The following TLN2 variants were observed in gnomAD, a reference collection of about 807,000 sequenced individuals.
The protein encoded by TLN2 is talin 2.
TLN2 carries 118 observed loss-of-function variants against 294.7 expected under a neutral mutation model. The observed-to-expected ratio is 0.40, with a 90% CI of 0.34 to 0.47. TLN2 has a LOEUF of 0.47. Ranked by LOEUF, TLN2 falls within the 20% of genes least tolerant of loss-of-function variation. The probability of loss-of-function intolerance (pLI) is 0.84; values close to 1 mark genes in which losing one functional copy is unlikely to be tolerated. For synonymous variants in TLN2, 1,431 were observed against 1,304.5 expected (o/e 1.10, Z -2.09); for missense variants, 3,083 against 3,282.2 (o/e 0.94, Z 1.48).
At position 62,708,656 on chromosome 15, in the gene TLN2, T is replaced by C; in HGVS notation, c.2327T>C (p.Val776Ala). ...AAGCAGGTCAGCGCAGCGGCCAGCG[T>C]GGTCAGCCAGGCCCTCCATGATCTC... The part of the protein sequence containing the change: ...LLKQVSAAAS[V>A]VSQALHDLLQ... Residue 776 changes from valine (V) to alanine (A), a missense_variant, in exon 21 of 59, where the codon GTG becomes GCG. Physicochemically the swap from Val to Ala is moderately conservative, Grantham distance 64 (BLOSUM62 0). Coordinates refer to ENST00000636159, the MANE Select transcript of TLN2 (RefSeq NM_015059.3). The C allele has an allele frequency of 1.2e-6, 2 of 1,614,162 alleles. No homozygotes were observed. Among genetic ancestry groups the C allele is most frequent in the Non-Finnish European group, 1.7e-6 (2 of 1,180,028 alleles).
At chr15:62,599,218 C>T (rs1312915456) in intron 2 of TLN2, among the ~76,000 whole-genome samples, 1 of 152,126 alleles carries the variant, frequency 6.6e-6, no homozygotes, top group African/African-American at 2.4e-5. Flanking sequence ...AAGGAGGAGA[C>T]ATTTGGCTTT....
chr15:62,810,128 A>G, intron 52 of TLN2, 96 bp downstream of exon 52: 2 of 1,017,744 alleles, frequency 2.0e-6, no homozygotes, highest in Admixed American at 2.0e-5. Context: ...GACCTCTCTC[A>G]GAGCCCTGTC....
intron 1 of TLN2, among the ~76,000 whole-genome samples, chr15:62,428,684 A>C (rs149778233): frequency 6.6e-6 from 1 of 152,106 alleles, no homozygotes; most frequent in African/African-American, 2.4e-5. Context: ...TTTTTATGAG[A>C]GTTACCTGTG....
At chr15:62,665,363 T>C (rs1464615113) in intron 9 of TLN2, among the ~76,000 whole-genome samples, 1 of 152,106 alleles carries the variant, frequency 6.6e-6, no homozygotes, top group African/African-American at 2.4e-5. Context: ...TTAACATTTT[T>C]TTAAAAAAAG....
At chr15:62,617,283 T>C (rs1055154253) in intron 2 of TLN2, among the ~76,000 whole-genome samples, 1 of 152,086 alleles carries the variant, frequency 6.6e-6, no homozygotes, top group Non-Finnish European at 1.5e-5. Context: ...CTCTGTGTTA[T>C]GGGTGAGACT....
chr15:62,465,799 A>AT (rs951143482), intron 1 of TLN2, among the ~76,000 whole-genome samples: 22 of 151,658 alleles, frequency 1.5e-4, no homozygotes, highest in South Asian at 8.4e-4. Context: ...ATTGTAAAGC[A>AT]TTTTTTTTTC....
chr15:62,616,031 A>G (rs895941238), intron 2 of TLN2, among the ~76,000 whole-genome samples: 1 of 152,060 alleles, frequency 6.6e-6, no homozygotes, highest in African/African-American at 2.4e-5. Flanking sequence ...TTGTATCATG[A>G]TACTTGTTTT....
chr15:62,677,059 T>C lies in TLN2; in HGVS notation c.957+1738T>C, dbSNP rs112391947. On this transcript the variant is annotated intron_variant, in intron 11 of 58. Transcript: ENST00000636159. ...TTCCCAACCTCTAGCTGTACTGCCT[T>C]AGCCGGAGTGACCCCATTTGAGAGG... 2.0e-5 allele frequency among the ~76,000 whole-genome samples: 3 copies of C among 152,312 alleles called. 1 individual carries two copies. Among genetic ancestry groups the C allele is most frequent in the African/African-American group, 7.2e-5 (3 of 41,572 alleles).
At chr15:62,790,873 G>A (rs921885514) in intron 45 of TLN2, among the ~76,000 whole-genome samples, 1 of 152,216 alleles carries the variant, frequency 6.6e-6, no homozygotes, top group African/African-American at 2.4e-5. Flanking sequence ...TACTACACCA[G>A]TCCAGATCTG....
At chr15:62,500,986 G>T (rs569666954) in intron 1 of TLN2, among the ~76,000 whole-genome samples, 2 of 152,288 alleles carry the variant, frequency 1.3e-5, no homozygotes, top group South Asian at 2.1e-4. Context: ...TTGAAGTCCC[G>T]CCAGGGCACT....
intron 52 of TLN2, among the ~76,000 whole-genome samples, chr15:62,813,941 A>G (rs773940157): frequency 3.9e-4 from 59 of 152,044 alleles, no homozygotes; most frequent in Non-Finnish European, 7.9e-4. Context: ...CAGCCTCCCA[A>G]GTAGCTGGGA....
intron 1 of TLN2, among the ~76,000 whole-genome samples, chr15:62,488,290 A>G (rs745763261): frequency 6.6e-6 from 1 of 152,230 alleles, no homozygotes; most frequent in East Asian, 1.9e-4. Flanking sequence ...GGAGGAAGAC[A>G]CGGTCCCTGA....
chr15:62,625,231 A>T (rs937700510), intron 3 of TLN2, among the ~76,000 whole-genome samples: 1 of 152,116 alleles, frequency 6.6e-6, no homozygotes. Flanking sequence ...ACTCAGGCCC[A>T]TGACCTACTT....
chr15:62,456,182 C>T (rs975347802), intron 1 of TLN2, among the ~76,000 whole-genome samples: 1 of 152,182 alleles, frequency 6.6e-6, no homozygotes, highest in Non-Finnish European at 1.5e-5. Context: ...TTTCCAAGGG[C>T]CTCTTCACTG....
rs186074043 is a variant in TLN2, at chr15:62,468,974, A to C, written c.-238+78289A>C. ...TGCCCAGAAAACGGCTGCTGTAACC[A>C]TTTGTCAACAATTTACCCTATGTGA... On this transcript the variant is annotated intron_variant, in intron 1 of 58. Transcript: ENST00000636159. 3.6e-3 allele frequency among the ~76,000 whole-genome samples: 545 copies of C among 152,264 alleles called. 3 individuals carry two copies. The highest frequency in any genetic ancestry group is 0.013 in the African/African-American group (523 of 41,542).
At chr15:62,542,698 G>C (rs1316610202) in intron 1 of TLN2, among the ~76,000 whole-genome samples, 1 of 152,108 alleles carries the variant, frequency 6.6e-6, no homozygotes, top group South Asian at 2.1e-4. Context: ...CCAGGGATTC[G>C]TGTTGGTATT....
At chr15:62,747,982 A>G (rs1485422799) in intron 32 of TLN2, among the ~76,000 whole-genome samples, 1 of 152,028 alleles carries the variant, frequency 6.6e-6, no homozygotes, top group Non-Finnish European at 1.5e-5. Flanking sequence ...GCTGTCTGAG[A>G]GGTGGCAGAG....
intron 1 of TLN2, among the ~76,000 whole-genome samples, chr15:62,426,106 G>C (rs1402057780): frequency 6.6e-6 from 1 of 152,142 alleles, no homozygotes; most frequent in Non-Finnish European, 1.5e-5. Flanking sequence ...ACATTTCCAT[G>C]GAAGCATTTG....
chr15:62,736,862 G>A lies in TLN2; in HGVS notation c.3359-16G>A. The A allele has an allele frequency of 6.2e-7, 1 of 1,611,128 alleles. No homozygotes were observed. The highest frequency in any genetic ancestry group is 8.5e-7 in the Non-Finnish European group (1 of 1,178,052). On this transcript the variant is annotated splice_polypyrimidine_tract_variant and intron_variant, in intron 28 of 58. Transcript: ENST00000636159. Reference sequence around the variant, plus strand: ...GATGGAGTCTAATTGGAAATCTGATGGACTTTTTCCCCCAGGGGTGGCTGC... The same window carrying A: ...GATGGAGTCTAATTGGAAATCTGATAGACTTTTTCCCCCAGGGGTGGCTGC...
Sources: gnomAD v4.1 joint callset for allele counts (sites outside exome capture counted in the v4.1 genomes callset) on GRCh38, gnomAD v4.1.1 for gene constraint, MANE v1.5 for transcripts, NCBI Gene and HGNC (gene_info 2026-07-23, HGNC 2026-07-21) for gene names.